The following LRP2 variants were observed in gnomAD, a reference collection of about 807,000 sequenced individuals.
The protein encoded by LRP2 is LDL receptor related protein 2, also known as low-density lipoprotein receptor-related protein 2.
A neutral mutation model predicts 531.0 loss-of-function variants in LRP2; 172 were observed. The ratio of observed to expected loss-of-function variants is 0.32; its 90% CI spans 0.29 to 0.37. The LOEUF (loss-of-function observed/expected upper bound fraction) is 0.37. LRP2 is among the 10% of genes least tolerant of loss of function. LRP2 has a pLI of 1.00. For missense variants in LRP2, 5,167 were observed against 5,868.3 expected (o/e 0.88, Z 3.90); for synonymous variants, 1,992 against 2,027.6 (o/e 0.98, Z 0.47).
chr2:169,152,123 A>G (rs1045417787), intron 67 of LRP2, among the ~76,000 whole-genome samples: 8 of 152,146 alleles, frequency 5.3e-5, no homozygotes, highest in Admixed American at 3.9e-4. Context: ...CTCCACATCC[A>G]TTTGTACCTC....
chr2:169,318,720 G>A (rs1459597393), intron 3 of LRP2, 42 bp downstream of exon 3: 6 of 1,613,716 alleles, frequency 3.7e-6, no homozygotes, highest in Non-Finnish European at 5.1e-6. Flanking sequence ...TGGGTTTTAG[G>A]TGTCCACAAA....
intron 48 of LRP2, among the ~76,000 whole-genome samples, chr2:169,188,819 C>G (rs1383161214): frequency 6.6e-6 from 1 of 152,122 alleles, no homozygotes; most frequent in Non-Finnish European, 1.5e-5. Flanking sequence ...GGTGTGTCCT[C>G]TAAGAACACA....
chr2:169,307,416 A>G lies in LRP2; in HGVS notation c.311-19T>C, dbSNP rs1684454641. On this transcript the variant is annotated intron_variant, in intron 3 of 78. Coordinates refer to ENST00000649046, the MANE Select transcript of LRP2 (RefSeq NM_004525.3). ...CTTTGTGCTGCGAAGAGAAAAAATT[A>G]TTACTTAATTTATAATTATTGCTAG... 5 of 1,338,842 alleles carry G rather than the reference A, an allele frequency of 3.7e-6. No homozygotes were observed. Among genetic ancestry groups the G allele is most frequent in the South Asian group, 1.2e-5 (1 of 85,556 alleles). The allele number at this position is 1,338,842 out of a possible 1,614,324, so 82.9% of individuals were successfully genotyped here.
intron 3 of LRP2, among the ~76,000 whole-genome samples, chr2:169,313,371 A>G (rs1381894012): frequency 6.6e-6 from 1 of 151,972 alleles, no homozygotes. Flanking sequence ...GATGATGGTG[A>G]TGTACAGATG....
intron 77 of LRP2, among the ~76,000 whole-genome samples, chr2:169,132,047 C>G (rs1303677884): frequency 6.6e-6 from 1 of 151,940 alleles, no homozygotes; most frequent in Non-Finnish European, 1.5e-5. Context: ...CCTGACACAT[C>G]GAGGGGAATA....
chr2:169,188,358 T>C (rs747358910), intron 48 of LRP2, 93 bp from the exon 49 acceptor site: 1 of 1,212,762 alleles, frequency 8.2e-7, no homozygotes. Context: ...TTTATCTACC[T>C]AAATGCCAGG....
At chr2:169,215,030 G>T in intron 35 of LRP2, among the ~76,000 whole-genome samples, 1 of 151,204 alleles carries the variant, frequency 6.6e-6, no homozygotes, top group Non-Finnish European at 1.5e-5. Context: ...AGATTTAGAA[G>T]CTGTGCCCTG....
intron 13 of LRP2, among the ~76,000 whole-genome samples, chr2:169,276,627 T>C (rs1229054372): frequency 2.6e-5 from 4 of 152,150 alleles, no homozygotes; most frequent in Non-Finnish European, 5.9e-5. Flanking sequence ...TATAATCCAA[T>C]GGCAAACTGT....
rs1344549204 is a variant in LRP2 at position 169,338,381 on chromosome 2, A to AAAGG, written c.80-17498_80-17497insCCTT. Among the ~76,000 whole-genome samples, 4 of 126,944 alleles carry AAAGG rather than the reference A, an allele frequency of 3.2e-5. No individual in the cohort carries two copies. In the East Asian group the frequency reaches 1.3e-3, roughly 41 times the overall value. The allele number at this position is 126,944 out of a possible 152,430, so 83.3% of individuals were successfully genotyped here. A position where few individuals can be genotyped will look rare whatever the true frequency, so the allele number is the denominator to read the frequency against. ...GAAGGAAAGAAAGAAAGAAAGAAAG[A>AAAGG]AAGAAAGAAAGAAAGAAAGAAAGAA... On this transcript the variant is annotated intron_variant, in intron 1 of 78. Coordinates refer to ENST00000649046, the MANE Select transcript of LRP2 (RefSeq NM_004525.3).
intron 68 of LRP2, 122 bp downstream of exon 68, chr2:169,150,776 A>T: frequency 1.8e-6 from 2 of 1,130,576 alleles, no homozygotes; most frequent in Non-Finnish European, 2.6e-6. Context: ...CATAGACGCT[A>T]CTCCCAAAAA....
intron 65 of LRP2, among the ~76,000 whole-genome samples, chr2:169,155,695 C>T (rs772056968): frequency 6.6e-6 from 1 of 152,074 alleles, no homozygotes; most frequent in Non-Finnish European, 1.5e-5. Flanking sequence ...TTATTAGGCC[C>T]GATTGTCAGA....
In LRP2 at chr2:169,213,690, T is replaced by A. The variant is rs772878795; in HGVS notation, c.6007A>T (p.Asn2003Tyr). The change falls in exon 36 of 79, where the codon AAT becomes TAT. Residue 2003 changes from asparagine (N) to tyrosine (Y), a missense_variant. Coordinates refer to ENST00000649046, the MANE Select transcript of LRP2 (RefSeq NM_004525.3). ...NKIVLRDNVP[N>Y]LRGLQVYHRR... ...TGATAAACTTGAAGACCCCTCAGAT[T>A]TGGAACATTATCTCTCAAGACTATT... is the stretch of plus-strand genomic sequence containing the variant. 1 of 1,613,484 alleles carries A rather than the reference T, an allele frequency of 6.2e-7. No individual in the cohort carries two copies. The highest frequency in any genetic ancestry group is 1.1e-5 in the South Asian group (1 of 91,054).
In LRP2 at chr2:169,128,737, T is replaced by G; in HGVS notation, c.13894A>C (p.Thr4632Pro). Residue 4632 changes from threonine to proline, a missense_variant, in exon 79 of 79, where the codon ACT (threonine) becomes CCT (proline). Thr to Pro is a conservative substitution (Grantham distance 38, BLOSUM62 -1). Transcript: ENST00000649046. ...TCTTCTGTTGCAGAATAGGTTGGAG[T>G]TGGGTCTCTTCTCGAAGGAGGCTTA... Reference protein sequence around the residue: ...KPKPPSRRDPTPTYSATEDTF... With the variant: ...KPKPPSRRDPPPTYSATEDTF... 1 of 1,614,078 alleles carries G rather than the reference T, an allele frequency of 6.2e-7. No homozygotes were observed. Among genetic ancestry groups the G allele is most frequent in the Non-Finnish European group, 8.5e-7 (1 of 1,179,998 alleles).
At position 169,205,655 on chromosome 2, in the gene LRP2, G is replaced by A. The variant is rs765325145; in HGVS notation, c.7557-18C>T. 6.2e-7 allele frequency: 1 copy of A among 1,605,246 alleles called. No individual in the cohort carries two copies. The highest frequency in any genetic ancestry group is 2.2e-5 in the East Asian group (1 of 44,746). On this transcript the variant is annotated intron_variant, in intron 40 of 78. Coordinates refer to ENST00000649046, the MANE Select transcript of LRP2 (RefSeq NM_004525.3). ...ACAGGTACCTAGTCATACAAAAGGA[G>A]TCAATAATTAATTCACAGGGAACCT... is the stretch of plus-strand genomic sequence containing the variant.
intron 1 of LRP2, among the ~76,000 whole-genome samples, chr2:169,331,534 A>C (rs1485346674): frequency 6.6e-6 from 1 of 152,168 alleles, no homozygotes; most frequent in Admixed American, 6.5e-5. Flanking sequence ...CGTGGAAGGA[A>C]ACTAAGCTCA....
Position 169,259,074 on chromosome 2 carries a change from C to T in LRP2, c.2464G>A (p.Val822Ile), listed in dbSNP as rs1222200565. ...RLADKTRRTVVQYLNNPRSVV... is the reference protein window; with the variant it reads ...RLADKTRRTVIQYLNNPRSVV... ...GACCGTGGGTTATTTAAATACTGAACTACTGTGCGTCTCGTTTTATCAGCT... is the reference window on the plus strand; with the variant it reads ...GACCGTGGGTTATTTAAATACTGAATTACTGTGCGTCTCGTTTTATCAGCT... The change falls in exon 17 of 79, where the codon GTT becomes ATT. Residue 822 changes from valine (V) to isoleucine (I), a missense_variant. Coordinates refer to ENST00000649046, the MANE Select transcript of LRP2 (RefSeq NM_004525.3). 12 of 1,613,242 alleles carry T rather than the reference C, an allele frequency of 7.4e-6. No individual in the cohort carries two copies. The highest frequency in any genetic ancestry group is 1.1e-5 in the South Asian group (1 of 91,058).
intron 61 of LRP2, 70 bp downstream of exon 61, chr2:169,168,469 C>CGTG (rs376284072): frequency 0.028 from 44,410 of 1,585,540 alleles, 728 homozygotes; most frequent in Non-Finnish European, 0.032. Flanking sequence ...GGCTCACATG[C>CGTG]TACACGTAAG....
chr2:169,235,389 G>A (rs1051302367), intron 29 of LRP2, among the ~76,000 whole-genome samples: 5 of 151,856 alleles, frequency 3.3e-5, no homozygotes, highest in African/African-American at 1.2e-4. Flanking sequence ...ATAGGTGTGT[G>A]CTACCACACT....
At chr2:169,135,486 C>T (rs574998649) in intron 76 of LRP2, among the ~76,000 whole-genome samples, 1 of 152,088 alleles carries the variant, frequency 6.6e-6, no homozygotes, top group Non-Finnish European at 1.5e-5. Flanking sequence ...CTATACAGTC[C>T]GACAGTGGAC....
Sources: allele counts gnomAD v4.1 joint callset (sites outside exome capture counted in the v4.1 genomes callset), GRCh38; gene constraint gnomAD v4.1.1; transcripts MANE v1.5; gene names NCBI Gene and HGNC (gene_info 2026-07-23, HGNC 2026-07-21).